ARID1B: variants seen among roughly 807,000 people sequenced by gnomAD.
ARID1B encodes AT-rich interactive domain-containing protein 1B.
In ARID1B, 30 loss-of-function variants were observed where a neutral mutation model predicts 212.3. That is an observed-to-expected ratio of 0.14 (90% CI 0.11 to 0.19). ARID1B has a LOEUF of 0.19. Ranked by LOEUF, ARID1B falls within the 10% of genes least tolerant of loss-of-function variation. ARID1B has a pLI of 1.00. For synonymous variants in ARID1B, 1,402 were observed against 1,301.7 expected (o/e 1.08, Z -1.66); for missense variants, 2,891 against 3,204.0 (o/e 0.90, Z 2.36).
At chr6:156,841,206 A>G (rs564378131) in intron 2 of ARID1B, among the ~76,000 whole-genome samples, 1 of 152,284 alleles carries the variant, frequency 6.6e-6, no homozygotes, top group Non-Finnish European at 1.5e-5. Flanking sequence ...ATGGCATTTT[A>G]GTTCTCTGTC....
At chr6:156,824,806 T>G (rs1782627876) in intron 1 of ARID1B, among the ~76,000 whole-genome samples, 1 of 151,934 alleles carries the variant, frequency 6.6e-6, no homozygotes, top group African/African-American at 2.4e-5. Context: ...TGCTTCAGGT[T>G]AGATGTGCGT....
In ARID1B at chr6:156,778,574, C is replaced by A; in HGVS notation, c.894C>A (p.Val298=). ...LGALGTQQPP[V]AVPGGGGGPA... ...CCCTGGGCACGCAGCAGCCGCCGGT[C>A]GCCGTGCCCGGGGGCGGCGGCGGCC... Residue 298 remains valine, a synonymous_variant, in exon 1 of 20, where the codon GTC becomes GTA. Transcript: ENST00000636930. The A allele has an allele frequency of 8.0e-7, 1 of 1,245,778 alleles. No homozygotes were observed. Among genetic ancestry groups the A allele is most frequent in the South Asian group, 3.2e-5 (1 of 31,364 alleles). 77.2% of individuals were successfully genotyped at this position (1,245,778 alleles called of 1,614,324 possible). A position where few individuals can be genotyped will look rare whatever the true frequency, so the allele number is the denominator to read the frequency against.
chr6:156,791,787 A>G (rs1044976602), intron 1 of ARID1B, among the ~76,000 whole-genome samples: 1 of 152,212 alleles, frequency 6.6e-6, no homozygotes, highest in African/African-American at 2.4e-5. Context: ...CCGAAGAGCA[A>G]CTGACAGATG....
intron 1 of ARID1B, among the ~76,000 whole-genome samples, chr6:156,784,418 G>A (rs1189400938): frequency 3.3e-5 from 5 of 152,116 alleles, no homozygotes; most frequent in Admixed American, 2.6e-4. Context: ...AGACTCAATG[G>A]CCCTTTTGGT....
At chr6:156,905,815 A>T (rs1789328955) in intron 3 of ARID1B, among the ~76,000 whole-genome samples, 1 of 151,736 alleles carries the variant, frequency 6.6e-6, no homozygotes, top group Non-Finnish European at 1.5e-5. Flanking sequence ...TTTCCTATAA[A>T]CTTTTTCTTT....
intron 4 of ARID1B, among the ~76,000 whole-genome samples, chr6:156,973,155 C>G (rs1207702048): frequency 6.6e-6 from 1 of 152,216 alleles, no homozygotes; most frequent in Non-Finnish European, 1.5e-5. Context: ...CACTCAAAAA[C>G]TGGCTAGTAA....
chr6:157,020,080 C>T (rs1260398135), intron 4 of ARID1B, among the ~76,000 whole-genome samples: 1 of 151,824 alleles, frequency 6.6e-6, no homozygotes, highest in Non-Finnish European at 1.5e-5. Context: ...TAGCAAAAGA[C>T]AAAGCTGTTA....
At chr6:156,855,512 C>A (rs1290142001) in intron 2 of ARID1B, among the ~76,000 whole-genome samples, 1 of 152,176 alleles carries the variant, frequency 6.6e-6, no homozygotes, top group Non-Finnish European at 1.5e-5. Flanking sequence ...TTTTCAGTTT[C>A]TTTTCTGACA....
intron 2 of ARID1B, among the ~76,000 whole-genome samples, chr6:156,866,369 C>T (rs553295739): frequency 1.3e-5 from 2 of 152,178 alleles, no homozygotes; most frequent in Non-Finnish European, 2.9e-5. Context: ...TCGGAGGTGT[C>T]TGCTGCCACC....
At chr6:156,852,169 C>T (rs1279739713) in intron 2 of ARID1B, among the ~76,000 whole-genome samples, 3 of 151,972 alleles carry the variant, frequency 2.0e-5, no homozygotes, top group African/African-American at 4.8e-5. Context: ...AATTTGAGGC[C>T]GGGCGCAGTG....
At position 156,897,218 on chromosome 6, in the gene ARID1B, G is replaced by GCTTCTTCTTCTTCTTCTTCTTCTTCTT. The variant is rs796265973; in HGVS notation, c.1987-4136_1987-4110dup. Among the ~76,000 whole-genome samples the GCTTCTTCTTCTTCTTCTTCTTCTTCTT allele has an allele frequency of 8.8e-5, 8 of 91,358 alleles. No individual in the cohort carries two copies. In the East Asian group the frequency reaches 1.5e-3, roughly 17 times the overall value. 59.9% of individuals were successfully genotyped at this position (91,358 alleles called of 152,430 possible). A position where few individuals can be genotyped will look rare whatever the true frequency, so the allele number is the denominator to read the frequency against. The stretch of plus-strand genomic sequence containing the variant: ...TGCTGCTGCTGCTGCTGCTGCTGCT[G>GCTTCTTCTTCTTCTTCTTCTTCTTCTT]CTTCTTCTTCTTCTTCTTCTTCTTC... On this transcript the variant is annotated intron_variant, in intron 2 of 19. Coordinates refer to ENST00000636930, the MANE Select transcript of ARID1B (RefSeq NM_001374828.1).
At chr6:156,786,403 T>C (rs888650634) in intron 1 of ARID1B, among the ~76,000 whole-genome samples, 6 of 152,222 alleles carry the variant, frequency 3.9e-5, no homozygotes, top group African/African-American at 1.4e-4. Context: ...TTAAGATGAT[T>C]GACCTTTTAG....
At chr6:156,867,843 T>C (rs1300816423) in intron 2 of ARID1B, among the ~76,000 whole-genome samples, 1 of 152,218 alleles carries the variant, frequency 6.6e-6, no homozygotes, top group African/African-American at 2.4e-5. Context: ...CCTCTACCGA[T>C]CAAATAAGCT....
chr6:156,809,731 A>AAG (rs1233712198), intron 1 of ARID1B, among the ~76,000 whole-genome samples: 4 of 151,794 alleles, frequency 2.6e-5, no homozygotes, highest in African/African-American at 9.7e-5. Context: ...AAAAAAAAAA[A>AAG]AAAGGACTCC....
At chr6:156,787,327 C>T (rs1374698116) in intron 1 of ARID1B, among the ~76,000 whole-genome samples, 1 of 152,140 alleles carries the variant, frequency 6.6e-6, no homozygotes. Flanking sequence ...GCTACTGCTT[C>T]TGGGTCCTGA....
chr6:157,142,640 T>C (rs934514022), intron 7 of ARID1B, among the ~76,000 whole-genome samples: 2 of 151,688 alleles, frequency 1.3e-5, no homozygotes, highest in Non-Finnish European at 2.9e-5. Context: ...ACAACAACAA[T>C]AACAAAAACA....
intron 1 of ARID1B, among the ~76,000 whole-genome samples, chr6:156,798,302 C>T (rs959030634): frequency 6.6e-6 from 1 of 152,252 alleles, no homozygotes; most frequent in African/African-American, 2.4e-5. Flanking sequence ...GGGAGCACGC[C>T]TGGCTCTTTG....
chr6:157,146,929 C>T (rs904978789), intron 7 of ARID1B, among the ~76,000 whole-genome samples: 4 of 152,128 alleles, frequency 2.6e-5, no homozygotes, highest in African/African-American at 9.7e-5. Flanking sequence ...GTCCCCGAGC[C>T]AGTTTGCTTG....
intron 7 of ARID1B, 84 bp downstream of exon 7, chr6:157,133,291 G>A: frequency 1.4e-6 from 2 of 1,386,518 alleles, no homozygotes; most frequent in African/African-American, 2.9e-5. Flanking sequence ...TTTTAATATT[G>A]TAAACATATC....
Sources: gnomAD v4.1 joint callset for allele counts (sites outside exome capture counted in the v4.1 genomes callset) on GRCh38, gnomAD v4.1.1 for gene constraint, MANE v1.5 for transcripts, NCBI Gene and HGNC (gene_info 2026-07-23, HGNC 2026-07-21) for gene names.